Variants in ZNF710 observed in about 807,000 individuals in gnomAD.
ZNF710 encodes zinc finger protein 710.
Under a neutral mutation model 50.6 loss-of-function variants are expected in ZNF710, and 13 were observed. The ratio of observed to expected loss-of-function variants is 0.26; its 90% confidence interval spans 0.17 to 0.41. The LOEUF is 0.41. Among genes scored for constraint, ZNF710 ranks in the 10% least tolerant of loss-of-function variants. ZNF710 has a pLI of 1.00. For synonymous variants in ZNF710, 383 were observed against 397.0 expected, an observed-to-expected ratio of 0.96 and a Z score of 0.42; for missense variants, 721 against 936.6, an observed-to-expected ratio of 0.77 and a Z score of 3.01.
intron 1 of ZNF710, among the ~76,000 whole-genome samples, chr15:90,051,238 C>G (rs1334986212): frequency 1.3e-5 from 1 of 79,086 alleles, no homozygotes; most frequent in African/African-American, 4.5e-5. Context: ...GACTCCGTCT[C>G]AAAAAAAAAA....
At chr15:90,038,687 T>C (rs28602231) in intron 1 of ZNF710, among the ~76,000 whole-genome samples, 17,956 of 146,598 alleles carry the variant, frequency 0.12, 1,228 homozygotes, top group African/African-American at 0.18. Context: ...CTTCTTTTAA[T>C]CTAGAACAGC....
intron 1 of ZNF710, among the ~76,000 whole-genome samples, chr15:90,046,465 A>C (rs1372871331): frequency 1.3e-5 from 2 of 152,102 alleles, no homozygotes; most frequent in African/African-American, 4.8e-5. Flanking sequence ...TATCCTCCCC[A>C]AGAAGACTAG....
Position 90,001,468 on chromosome 15 carries a change from A to AGGGCGGCAGGAGC in ZNF710, c.-174_-162dup, listed in dbSNP as rs1898007979. 1 of 151,338 alleles carries AGGGCGGCAGGAGC rather than the reference A, an allele frequency of 6.6e-6. No individual in the cohort carries two copies. Among genetic ancestry groups the AGGGCGGCAGGAGC allele is most frequent in the Non-Finnish European group, 1.5e-5 (1 of 67,936 alleles). The allele number at this position is 151,338 out of a possible 1,614,324, so 9.4% of individuals were successfully genotyped here. On this transcript the variant is annotated 5_prime_UTR_variant, in exon 1 of 5. Coordinates refer to ENST00000268154, the MANE Select transcript of ZNF710 (RefSeq NM_198526.4). ...AGAGAGAAAGAGAGGAGCCGGAGGG[A>AGGGCGGCAGGAGC]GGGCGGCAGGAGCAGGCGGCGGGCG...
At chr15:90,005,786 A>G (rs1392409654) in intron 1 of ZNF710, among the ~76,000 whole-genome samples, 1 of 152,170 alleles carries the variant, frequency 6.6e-6, no homozygotes, top group African/African-American at 2.4e-5. Flanking sequence ...GAATATAGGG[A>G]GAATAATAAT....
rs949731022 is a variant in ZNF710 at position 90,034,055 on chromosome 15, A to G, written c.-29+32441A>G. 2.0e-5 allele frequency among the ~76,000 whole-genome samples: 3 copies of G among 152,090 alleles called. No individual in the cohort carries two copies. Among genetic ancestry groups the G allele is most frequent in the Non-Finnish European group, 4.4e-5 (3 of 68,016 alleles). ...TGTCTTTACTAAAAGTACAAAAATTAGCTGGGCGTGGTAGCAGCTGTAGTC... is the reference window on the plus strand; with the variant it reads ...TGTCTTTACTAAAAGTACAAAAATTGGCTGGGCGTGGTAGCAGCTGTAGTC... On this transcript the variant is annotated intron_variant, in intron 1 of 4. Transcript: ENST00000268154. The surrounding 1 kb of genome is among the most constrained non-coding windows in gnomAD (Gnocchi z 4.0).
rs113446823 is a variant in ZNF710, at chr15:90,005,822, T to C, written c.-29+4208T>C. Among the ~76,000 whole-genome samples, 236 of 152,358 alleles carry C rather than the reference T, an allele frequency of 1.5e-3. 2 individuals carry two copies. The highest frequency in any genetic ancestry group is 5.2e-3 in the African/African-American group (218 of 41,596). ...AATCATGTGTCTTAGGCCAGAATTA[T>C]GCTACGTGCTTTGTGTATTTGTCTC... On this transcript the variant is annotated intron_variant, in intron 1 of 4. Coordinates refer to ENST00000268154, the MANE Select transcript of ZNF710 (RefSeq NM_198526.4).
chr15:90,067,461 G>C lies in ZNF710; in HGVS notation c.324G>C (p.Lys108Asn), dbSNP rs750913101. The change falls in exon 2 of 5, where the codon AAG (lysine) becomes AAC (asparagine). Residue 108 changes from lysine (K) to asparagine (N), a missense_variant. Physicochemically the swap from Lys to Asn is moderately conservative, Grantham distance 94 (BLOSUM62 0). Coordinates refer to ENST00000268154, the MANE Select transcript of ZNF710 (RefSeq NM_198526.4). This position sits in a 1 kb window ranked among gnomAD's most constrained non-coding sequence, Gnocchi z 8.1. ...GGCCACCTGTGCGGTTGGTGCCCAAGGTCAAGTTCGAGAAGGTGGAGGAGG... is the reference window on the plus strand; with the variant it reads ...GGCCACCTGTGCGGTTGGTGCCCAACGTCAAGTTCGAGAAGGTGGAGGAGG... ...KTRPPVRLVPKVKFEKVEEEE... is the reference protein window; with the variant it reads ...KTRPPVRLVPNVKFEKVEEEE... The C allele has an allele frequency of 1.2e-6, 2 of 1,612,296 alleles. No homozygotes were observed. Among genetic ancestry groups the C allele is most frequent in the East Asian group, 2.2e-5 (1 of 44,808 alleles).
At chr15:89,998,836 A>G (rs546916965), upstream of ZNF710, among the ~76,000 whole-genome samples, 5 of 152,214 alleles carry the variant, frequency 3.3e-5, no homozygotes, top group Non-Finnish European at 5.9e-5. Flanking sequence ...CTGTCTCTGC[A>G]ATCCACAGGT....
chr15:90,031,202 T>G (rs1315039795), intron 1 of ZNF710, among the ~76,000 whole-genome samples: 1 of 152,140 alleles, frequency 6.6e-6, no homozygotes, highest in African/African-American at 2.4e-5. Context: ...TAAATGAGAA[T>G]AATAGTTGTG....
intron 1 of ZNF710, among the ~76,000 whole-genome samples, chr15:90,031,377 G>C (rs1215571270): frequency 6.6e-6 from 1 of 152,196 alleles, no homozygotes; most frequent in Non-Finnish European, 1.5e-5. Context: ...ATCTCTCACA[G>C]CACCCTAGAC....
At chr15:90,070,045 C>T (rs1001997720) in intron 2 of ZNF710, among the ~76,000 whole-genome samples, 1 of 152,206 alleles carries the variant, frequency 6.6e-6, no homozygotes, top group Non-Finnish European at 1.5e-5. Context: ...ATGAGTGATA[C>T]TCCAGGTCAA....
chr15:90,008,439 T>TATATAC (rs1898200991), intron 1 of ZNF710, among the ~76,000 whole-genome samples: 13 of 140,114 alleles, frequency 9.3e-5, no homozygotes, highest in African/African-American at 3.2e-4. Flanking sequence ...TATATATATA[T>TATATAC]ACATATATAT....
rs1017691463 is a variant in ZNF710, at chr15:90,068,406, G to A, written c.1269G>A (p.Lys423=). 5 of 1,613,510 alleles carry A rather than the reference G, an allele frequency of 3.1e-6. No individual in the cohort carries two copies. The Admixed American group carries it at 8.3e-5, about 27-fold the overall frequency. Residue 423 remains lysine (K), a synonymous_variant, in exon 2 of 5, where the codon AAG becomes AAA. Transcript: ENST00000268154. This position sits in a 1 kb window ranked among gnomAD's most constrained non-coding sequence, Gnocchi z 5.0. ...GLDFSTLTQL[K]RHLASHQGPT... The stretch of plus-strand genomic sequence containing the variant: ...ACTTCTCCACCCTGACCCAGCTCAA[G>A]CGCCACCTGGCCTCCCACCAGGGCC...
chr15:90,060,518 C>T (rs2151518172), intron 1 of ZNF710, among the ~76,000 whole-genome samples: 1 of 152,034 alleles, frequency 6.6e-6, no homozygotes, highest in South Asian at 2.1e-4. Flanking sequence ...GGCACCACTG[C>T]ACTCCAGCCT....
chr15:90,008,451 T>TACATATATATATAC (rs1898207630), intron 1 of ZNF710, among the ~76,000 whole-genome samples: 2 of 140,550 alleles, frequency 1.4e-5, no homozygotes, highest in African/African-American at 5.8e-5. Context: ...CATATATATA[T>TACATATATATATAC]ATGTATATAT....
chr15:90,011,257 G>A (rs1465603235), intron 1 of ZNF710, among the ~76,000 whole-genome samples: 1 of 152,072 alleles, frequency 6.6e-6, no homozygotes, highest in Non-Finnish European at 1.5e-5. Flanking sequence ...GGGACTACAG[G>A]CATGGAACCA....
intron 1 of ZNF710, among the ~76,000 whole-genome samples, chr15:90,013,867 C>A (rs965795926): frequency 2.0e-4 from 30 of 152,194 alleles, no homozygotes; most frequent in Admixed American, 1.9e-3. Context: ...ACAGCGTTCA[C>A]AGGCCACTGT....
rs772268271 is a variant in ZNF710, at chr15:90,067,534, G to A, written c.397G>A (p.Ala133Thr). 3 of 1,612,684 alleles carry A rather than the reference G, an allele frequency of 1.9e-6. No homozygotes were observed. The highest frequency in any genetic ancestry group is 2.2e-5 in the East Asian group (1 of 44,846). Reference sequence around the variant, plus strand: ...TTCTGTGCCAGGTGACGACAAGGACGCAGGGCCAGCAGAAGCCCCCGCCGA... The same window carrying A: ...TTCTGTGCCAGGTGACGACAAGGACACAGGGCCAGCAGAAGCCCCCGCCGA... ...EVSVPGDDKD[A>T]GPAEAPAEAA... The change falls in exon 2 of 5, where the codon GCA (alanine) becomes ACA (threonine). Residue 133 changes from alanine (A) to threonine (T), a missense_variant. Coordinates refer to ENST00000268154, the MANE Select transcript of ZNF710 (RefSeq NM_198526.4). The surrounding 1 kb of genome is among the most constrained non-coding windows in gnomAD (Gnocchi z 8.1).
intron 1 of ZNF710, among the ~76,000 whole-genome samples, chr15:90,003,741 T>C (rs1472819328): frequency 6.6e-6 from 1 of 152,154 alleles, no homozygotes; most frequent in Non-Finnish European, 1.5e-5. Flanking sequence ...CTCATTGGTT[T>C]TATTAGCTGA....
Sources: gnomAD v4.1 joint callset for allele counts (sites outside exome capture counted in the v4.1 genomes callset) on GRCh38, gnomAD v4.1.1 for gene constraint, Gnocchi (gnomAD v3.1) non-coding constraint, MANE v1.5 for transcripts, NCBI Gene and HGNC (gene_info 2026-07-23, HGNC 2026-07-21) for gene names.